The following ALKBH1 variants were observed in gnomAD, a reference collection of about 807,000 sequenced individuals.
The protein encoded by ALKBH1 is nucleic acid dioxygenase ALKBH1.
Under a neutral mutation model 36.6 loss-of-function variants are expected in ALKBH1, and 31 were observed. The observed-to-expected ratio is 0.85, with a 90% CI of 0.64 to 1.14. ALKBH1 has a LOEUF of 1.14. Ranked by LOEUF, ALKBH1 falls within the 50% of genes most tolerant of loss-of-function variation. The pLI, the probability that ALKBH1 is intolerant of heterozygous loss-of-function variation, is 0.00. For synonymous variants in ALKBH1, 183 were observed against 186.6 expected (o/e 0.98, Z 0.16); for missense variants, 490 against 497.3 (o/e 0.99, Z 0.14).
intron 3 of ALKBH1, among the ~76,000 whole-genome samples, chr14:77,688,575 CAG>C (rs1566814395): frequency 7.9e-6 from 1 of 126,862 alleles, no homozygotes; most frequent in African/African-American, 3.2e-5. Flanking sequence ...TTTTTTGAGA[CAG>C]AGTCTCATTC....
chr14:77,685,409 C>A (rs1306405107), intron 3 of ALKBH1, among the ~76,000 whole-genome samples: 3 of 150,682 alleles, frequency 2.0e-5, no homozygotes, highest in Non-Finnish European at 4.4e-5. Flanking sequence ...TGCACTCCAG[C>A]CTGGGCGACA....
chr14:77,676,950 G>A (rs2080209426), intron 4 of ALKBH1, among the ~76,000 whole-genome samples: 1 of 151,906 alleles, frequency 6.6e-6, no homozygotes, highest in African/African-American at 2.4e-5. Flanking sequence ...GTAATTTCCT[G>A]AACTTACTTC....
At chr14:77,687,756 C>A (rs2080275977) in intron 3 of ALKBH1, among the ~76,000 whole-genome samples, 1 of 152,134 alleles carries the variant, frequency 6.6e-6, no homozygotes, top group East Asian at 1.9e-4. Flanking sequence ...TGCTTGATGT[C>A]TTTTCCTGCT....
intron 4 of ALKBH1, among the ~76,000 whole-genome samples, chr14:77,678,374 T>C (rs527964810): frequency 1.3e-5 from 2 of 152,284 alleles, no homozygotes; most frequent in East Asian, 3.9e-4. Flanking sequence ...AAATCTGTCA[T>C]CATTTGGAGC....
chr14:77,680,556 C>T (rs1366560484), intron 3 of ALKBH1, among the ~76,000 whole-genome samples: 1 of 152,080 alleles, frequency 6.6e-6, no homozygotes, highest in Admixed American at 6.5e-5. Context: ...ATTAAGGCAC[C>T]ACTGTAACTG....
chr14:77,676,579 ATTAG>A (rs2080207315), intron 4 of ALKBH1, among the ~76,000 whole-genome samples: 1 of 152,242 alleles, frequency 6.6e-6, no homozygotes, highest in Admixed American at 6.5e-5. Context: ...GAACAAAGAT[ATTAG>A]TTAAAAACTA....
intron 2 of ALKBH1, among the ~76,000 whole-genome samples, chr14:77,696,168 A>G (rs1011911303): frequency 2.0e-5 from 3 of 152,140 alleles, no homozygotes; most frequent in Non-Finnish European, 2.9e-5. Context: ...CAAACACACA[A>G]TATGTGCCAG....
chr14:77,685,774 GA>G (rs35243675), intron 3 of ALKBH1, among the ~76,000 whole-genome samples: 40 of 151,946 alleles, frequency 2.6e-4, no homozygotes, highest in Admixed American at 1.8e-3. Flanking sequence ...TCTCGGGGGG[GA>G]AAAAAAGGCT....
rs1454811710 is a variant in ALKBH1 at position 77,673,372 on chromosome 14, T to A, written c.*440A>T. On this transcript the variant is annotated 3_prime_UTR_variant, in exon 6 of 6. Coordinates refer to ENST00000216489, the MANE Select transcript of ALKBH1 (RefSeq NM_006020.3). ...ATGATGCCTGAGGGAGTTAAGAAGA[T>A]GAGACTAATAGCTGGTTCACAGAAC... 1 of 163,920 alleles carries A rather than the reference T, an allele frequency of 6.1e-6. No individual in the cohort carries two copies. Among genetic ancestry groups the A allele is most frequent in the East Asian group, 1.7e-4 (1 of 5,756 alleles). The allele number at this position is 163,920 out of a possible 1,614,324, so 10.2% of individuals were successfully genotyped here. A position where few individuals can be genotyped will look rare whatever the true frequency, so the allele number is the denominator to read the frequency against.
rs968475411 is a variant in ALKBH1, at chr14:77,673,353, C to G, written c.*459G>C. On this transcript the variant is annotated 3_prime_UTR_variant, in exon 6 of 6. Coordinates refer to ENST00000216489, the MANE Select transcript of ALKBH1 (RefSeq NM_006020.3). ...GAGAAGATCAAAGAATTTGATGATG[C>G]CTGAGGGAGTTAAGAAGATGAGACT... 6.3e-6 allele frequency: 1 copy of G among 159,918 alleles called. No homozygotes were observed. Among genetic ancestry groups the G allele is most frequent in the Non-Finnish European group, 1.4e-5 (1 of 72,174 alleles). The allele number at this position is 159,918 out of a possible 1,614,324, so 9.9% of individuals were successfully genotyped here.
At chr14:77,699,136 T>C (rs536019854) in intron 2 of ALKBH1, among the ~76,000 whole-genome samples, 6 of 152,266 alleles carry the variant, frequency 3.9e-5, no homozygotes, top group Non-Finnish European at 7.4e-5. Context: ...ACATAGTAAG[T>C]AAACAAAAAG....
chr14:77,696,836 G>C (rs2080330024), intron 2 of ALKBH1: 1 of 152,676 alleles, frequency 6.5e-6, no homozygotes, highest in Non-Finnish European at 1.5e-5. Context: ...AATGGAAGTA[G>C]ATGCAGATAG....
At chr14:77,695,944 T>C (rs1424622634) in intron 2 of ALKBH1, among the ~76,000 whole-genome samples, 1 of 151,742 alleles carries the variant, frequency 6.6e-6, no homozygotes, top group Non-Finnish European at 1.5e-5. Context: ...ATACAAAAAT[T>C]AGTTGGGCGT....
At chr14:77,691,962 T>C (rs771490008) in intron 3 of ALKBH1, 1 of 152,212 alleles carries the variant, frequency 6.6e-6, no homozygotes, top group Non-Finnish European at 1.5e-5. Context: ...TTTTCCTCAC[T>C]GCTCCTGTTG....
chr14:77,702,969 A>G (rs2080367654), intron 2 of ALKBH1, among the ~76,000 whole-genome samples: 1 of 152,022 alleles, frequency 6.6e-6, no homozygotes. Context: ...AGCTTGGCCA[A>G]CATGAAACCC....
intron 3 of ALKBH1, among the ~76,000 whole-genome samples, chr14:77,687,963 G>A (rs1380685122): frequency 6.6e-6 from 1 of 151,874 alleles, no homozygotes; most frequent in African/African-American, 2.4e-5. Flanking sequence ...GCTCAGTTCT[G>A]TATTTCCAAA....
chr14:77,705,411 GAAAAAAAAAAA>G (rs56123313), intron 1 of ALKBH1, among the ~76,000 whole-genome samples: 2 of 113,376 alleles, frequency 1.8e-5, no homozygotes, highest in Non-Finnish European at 3.6e-5. Context: ...CTCCGTCTAA[GAAAAAAAAAAA>G]AAAAAAAAAA....
chr14:77,692,917 T>A (rs201537235), intron 3 of ALKBH1, among the ~76,000 whole-genome samples: 79 of 62,636 alleles, frequency 1.3e-3, no homozygotes, highest in Admixed American at 1.6e-3. Context: ...AAAAAAAAAA[T>A]TTTTTTGGGG....
At chr14:77,678,341 T>C (rs1039360748) in intron 4 of ALKBH1, among the ~76,000 whole-genome samples, 13 of 152,178 alleles carry the variant, frequency 8.5e-5, no homozygotes, top group African/African-American at 2.9e-4. Flanking sequence ...AAGTCAGAAT[T>C]ATATCACAAA....
Sources: gnomAD v4.1 joint callset for allele counts (sites outside exome capture counted in the v4.1 genomes callset) on GRCh38, gnomAD v4.1.1 for gene constraint, MANE v1.5 for transcripts, NCBI Gene and HGNC (gene_info 2026-07-23, HGNC 2026-07-21) for gene names.